The following WDR20 variants were observed in gnomAD, a reference collection of about 807,000 sequenced individuals.
WDR20 encodes WD repeat-containing protein 20.
Under a neutral mutation model 38.7 loss-of-function variants are expected in WDR20, and 3 were observed. The observed-to-expected ratio is 0.08, with a 90% CI of 0.04 to 0.20. WDR20 has a LOEUF of 0.20. WDR20 is among the 10% of genes least tolerant of loss of function. The pLI is 1.00. For missense variants in WDR20, 559 were observed against 727.7 expected (o/e 0.77, Z 2.67); for synonymous variants, 298 against 285.6 (o/e 1.04, Z -0.44).
chr14:102,140,332 A>G, intron 1 of WDR20, 160 bp downstream of exon 1: 1 of 1,176,682 alleles, frequency 8.5e-7, no homozygotes, highest in East Asian at 2.7e-5. Context: ...GAGGGGATTC[A>G]GGAGTAAGGA....
At chr14:102,150,948 C>T (rs2055575629) in intron 1 of WDR20, among the ~76,000 whole-genome samples, 1 of 152,058 alleles carries the variant, frequency 6.6e-6, no homozygotes, top group Admixed American at 6.6e-5. Context: ...TTTATTGGAC[C>T]TGTGGATCCA....
chr14:102,199,841 A>C (rs772567160), intron 2 of WDR20, among the ~76,000 whole-genome samples: 11 of 152,258 alleles, frequency 7.2e-5, no homozygotes, highest in African/African-American at 1.2e-4. Context: ...AATTGTGTGC[A>C]TTTAAAATGC....
chr14:102,197,677 G>T (rs2059634888), intron 2 of WDR20: 1 of 623,620 alleles, frequency 1.6e-6, no homozygotes. Flanking sequence ...GAAGCAATTT[G>T]GAACTGACAC....
intron 1 of WDR20, among the ~76,000 whole-genome samples, chr14:102,190,424 CAAAAACA>C (rs1405223309): frequency 6.6e-6 from 1 of 151,346 alleles, no homozygotes; most frequent in East Asian, 2.0e-4. Flanking sequence ...AACAAACAAA[CAAAAACA>C]AAAAACAAAA....
downstream of WDR20, chr14:102,214,054 A>G (rs572440457): frequency 1.4e-5 from 14 of 985,330 alleles, 1 homozygote; most frequent in African/African-American, 1.7e-4. Context: ...TGGGGGAGGG[A>G]CTGGCCTCTG....
At chr14:102,195,236 C>G in intron 2 of WDR20, 116 bp downstream of exon 2, 1 of 1,125,024 alleles carries the variant, frequency 8.9e-7, no homozygotes, top group Non-Finnish European at 1.3e-6. Flanking sequence ...ATTCGCCCAG[C>G]CCTCCTACCT....
intron 2 of WDR20, among the ~76,000 whole-genome samples, chr14:102,201,056 G>A (rs907527443): frequency 4.6e-5 from 7 of 152,210 alleles, no homozygotes; most frequent in Non-Finnish European, 7.3e-5. Context: ...TTTTCTAATC[G>A]AAGGAAGGAA....
At chr14:102,197,990 G>T in intron 2 of WDR20, 1 of 516,266 alleles carries the variant, frequency 1.9e-6, no homozygotes. Flanking sequence ...GGGAAGAGAG[G>T]TATAATAGCA....
intron 1 of WDR20, chr14:102,167,711 A>C (rs1037136082): frequency 6.6e-6 from 1 of 152,288 alleles, no homozygotes; most frequent in African/African-American, 2.4e-5. Flanking sequence ...TCTCTAATGC[A>C]TGCCACGGTA....
chr14:102,212,365 A>G (rs984027231), downstream of WDR20, among the ~76,000 whole-genome samples: 6 of 152,084 alleles, frequency 3.9e-5, no homozygotes, highest in African/African-American at 1.4e-4. Context: ...TGCTGGGTTC[A>G]GGGCCCAGTG....
intron 1 of WDR20, among the ~76,000 whole-genome samples, chr14:102,150,822 C>G (rs182042668): frequency 2.6e-5 from 4 of 152,284 alleles, no homozygotes; most frequent in Non-Finnish European, 5.9e-5. Context: ...ACATGATATT[C>G]ACACACTCAT....
chr14:102,139,702 G>C (rs763907807), upstream of WDR20: 1 of 701,150 alleles, frequency 1.4e-6, no homozygotes, highest in Non-Finnish European at 2.3e-6. Context: ...AGGAGCCTGC[G>C]GACGCCCAGT....
chr14:102,186,952 G>GAA (rs35046967), intron 1 of WDR20, among the ~76,000 whole-genome samples: 195 of 145,652 alleles, frequency 1.3e-3, no homozygotes, highest in Middle Eastern at 3.5e-3. Flanking sequence ...TCTGTCTCAG[G>GAA]AAAAAAAAAA....
chr14:102,208,731 C>T lies in WDR20; in HGVS notation c.561C>T (p.Ala187=). The T allele has an allele frequency of 1.2e-6, 2 of 1,614,198 alleles. No homozygotes were observed. The highest frequency in any genetic ancestry group is 8.5e-7 in the Non-Finnish European group (1 of 1,180,044). The stretch of plus-strand genomic sequence containing the variant: ...TGGAGCACACTTGTGGCACCACAGC[C>T]CCCCACTACCAGCTTCTGAAGCAGG... ...YNVEHTCGTT[A]PHYQLLKQGE... is the part of the protein sequence containing the mutation. Residue 187 remains alanine (A), a synonymous_variant, in exon 3 of 3, where the codon GCC becomes GCT. Coordinates refer to ENST00000342702, the MANE Select transcript of WDR20 (RefSeq NM_144574.4). The surrounding 1 kb of genome is among the most constrained non-coding windows in gnomAD (Gnocchi z 5.6).
chr14:102,189,129 G>A (rs2065686821), intron 1 of WDR20, among the ~76,000 whole-genome samples: 2 of 152,062 alleles, frequency 1.3e-5, no homozygotes, highest in Non-Finnish European at 2.9e-5. Flanking sequence ...AGAATCACTT[G>A]AACCCGGGAG....
chr14:102,211,282 A>G (rs1183557977), downstream of WDR20, among the ~76,000 whole-genome samples: 1 of 152,344 alleles, frequency 6.6e-6, no homozygotes, highest in East Asian at 1.9e-4. The surrounding 1 kb of genome is among the most constrained non-coding windows in gnomAD (Gnocchi z 4.2). Flanking sequence ...TGCGTAGTGA[A>G]TATGATTCAG....
chr14:102,157,889 T>C lies in WDR20; in HGVS notation c.249+17717T>C, dbSNP rs558338615. On this transcript the variant is annotated intron_variant, in intron 1 of 2. Coordinates refer to ENST00000342702, the MANE Select transcript of WDR20 (RefSeq NM_144574.4). ...TTCTTAGTATGATTTAAAAAGTGTG[T>C]CTTAAAATGTATTTTCTTTTGGTGC... is the stretch of plus-strand genomic sequence containing the variant. 7.9e-5 allele frequency among the ~76,000 whole-genome samples: 12 copies of C among 152,228 alleles called. No homozygotes were observed. The South Asian group carries it at 2.1e-3, about 26-fold the overall frequency.
intron 1 of WDR20, among the ~76,000 whole-genome samples, chr14:102,179,599 A>G (rs548160980): frequency 4.6e-5 from 7 of 152,196 alleles, no homozygotes; most frequent in Admixed American, 2.0e-4. Flanking sequence ...TATAACTTAA[A>G]AAAATTATGC....
At chr14:102,139,462 G>GCGCTCTTCCTC, upstream of WDR20, 1 of 1,472,520 alleles carries the variant, frequency 6.8e-7, no homozygotes, top group East Asian at 2.5e-5. Context: ...CGTCGGGGTG[G>GCGCTCTTCCTC]CGCTCTTCCT....
Sources: allele counts gnomAD v4.1 joint callset (sites outside exome capture counted in the v4.1 genomes callset), GRCh38; gene constraint gnomAD v4.1.1; non-coding constraint Gnocchi (gnomAD v3.1); transcripts MANE v1.5; gene names NCBI Gene and HGNC (gene_info 2026-07-23, HGNC 2026-07-21).